Variants in OR4K17 observed in about 807,000 individuals in gnomAD.
OR4K17 encodes the protein olfactory receptor family 4 subfamily K member 17.
For missense variants in OR4K17, 480 were observed against 366.3 expected, an observed-to-expected ratio of 1.31 and a Z score of -2.53; for synonymous variants, 157 against 132.8, an observed-to-expected ratio of 1.18 and a Z score of -1.25.
chr14:20,116,413 G>A (rs75314527), intron 1 of OR4K17, among the ~76,000 whole-genome samples: 2,321 of 152,074 alleles, frequency 0.015, 59 homozygotes, highest in African/African-American at 0.052. Flanking sequence ...ACTAGTTTTA[G>A]CCATATAGTA....
At chr14:20,115,570 G>A (rs1218061505) in intron 1 of OR4K17, among the ~76,000 whole-genome samples, 3 of 151,936 alleles carry the variant, frequency 2.0e-5, no homozygotes, top group Non-Finnish European at 4.4e-5. Context: ...TTCAACTTTT[G>A]TGTATCTACA....
intron 1 of OR4K17, 153 bp from the exon 2 acceptor site, chr14:20,117,315 G>A (rs988799954): frequency 2.6e-4 from 225 of 852,338 alleles, no homozygotes; most frequent in Admixed American, 3.7e-4. Flanking sequence ...CAGACTATAC[G>A]TCTCCTTTTT....
intron 1 of OR4K17, among the ~76,000 whole-genome samples, chr14:20,112,329 T>A (rs1053329375): frequency 3.9e-5 from 6 of 152,080 alleles, no homozygotes; most frequent in African/African-American, 1.4e-4. Context: ...GAAAGACATT[T>A]GATCAGGGAA....
At chr14:20,113,092 G>A (rs963107002) in intron 1 of OR4K17, among the ~76,000 whole-genome samples, 3 of 151,978 alleles carry the variant, frequency 2.0e-5, no homozygotes, top group Non-Finnish European at 4.4e-5. Context: ...TAACTTGTGA[G>A]TAAGGAGGAA....
At position 20,120,770 on chromosome 14, in the gene OR4K17, A is replaced by T. The variant is rs995744259; in HGVS notation, c.*2332A>T. On this transcript the variant is annotated 3_prime_UTR_variant, in exon 2 of 2. Transcript: ENST00000641386. ...CCAGATCCATGGCTTCCCCTAGGGT[A>T]CCCCTCGTCAGACATTTATGCCAAA... is the stretch of plus-strand genomic sequence containing the variant. 1 of 152,270 alleles carries T rather than the reference A, an allele frequency of 6.6e-6. No individual in the cohort carries two copies. The highest frequency in any genetic ancestry group is 1.5e-5 in the Non-Finnish European group (1 of 68,170). 9.4% of individuals were successfully genotyped at this position (152,270 alleles called of 1,614,324 possible). A position where few individuals can be genotyped will look rare whatever the true frequency, so the allele number is the denominator to read the frequency against.
Position 20,118,713 on chromosome 14 carries a change from AG to A in OR4K17, c.*277del. 1 of 278,800 alleles carries A rather than the reference AG, an allele frequency of 3.6e-6. No individual in the cohort carries two copies. The highest frequency in any genetic ancestry group is 4.6e-5 in the South Asian group (1 of 21,618). The allele number at this position is 278,800 out of a possible 1,614,324, so 17.3% of individuals were successfully genotyped here. A position where few individuals can be genotyped will look rare whatever the true frequency, so the allele number is the denominator to read the frequency against. On this transcript the variant is annotated 3_prime_UTR_variant, in exon 2 of 2. Transcript: ENST00000641386. ...GTTTTTATTATGGATTTCAAAAGGGAGGCAGTGTACGAATAGGGTGTGGGTC... is the reference window on the plus strand; with the variant it reads ...GTTTTTATTATGGATTTCAAAAGGGAGCAGTGTACGAATAGGGTGTGGGTC...
intron 1 of OR4K17, among the ~76,000 whole-genome samples, chr14:20,116,467 G>A (rs939909582): frequency 3.6e-4 from 55 of 152,106 alleles, no homozygotes; most frequent in African/African-American, 1.3e-3. Context: ...TATGGGGGCT[G>A]TTGCCACTCA....
intron 1 of OR4K17, among the ~76,000 whole-genome samples, chr14:20,112,446 A>G (rs933035099): frequency 6.6e-6 from 1 of 152,106 alleles, no homozygotes; most frequent in African/African-American, 2.4e-5. Context: ...TTCAAAAGGC[A>G]GGTAAGCAAA....
Position 20,118,632 on chromosome 14 carries a change from G to A in OR4K17, c.*194G>A. The A allele has an allele frequency of 2.2e-6, 1 of 446,928 alleles. No individual in the cohort carries two copies. Among genetic ancestry groups the A allele is most frequent in the South Asian group, 2.9e-5 (1 of 33,910 alleles). 27.7% of individuals were successfully genotyped at this position (446,928 alleles called of 1,614,324 possible). A position where few individuals can be genotyped will look rare whatever the true frequency, so the allele number is the denominator to read the frequency against. On this transcript the variant is annotated 3_prime_UTR_variant, in exon 2 of 2. Coordinates refer to ENST00000641386, the MANE Select transcript of OR4K17 (RefSeq NM_001004715.5). ...GAAATTTTAAAGCTGGGTGTCCAGG[G>A]GAGACATCACATGTCAGCGGGTTCC...
chr14:20,116,500 A>G (rs556528704), intron 1 of OR4K17, among the ~76,000 whole-genome samples: 73 of 152,144 alleles, frequency 4.8e-4, no homozygotes, highest in Non-Finnish European at 8.4e-4. Flanking sequence ...TGTTATGTAA[A>G]TAAATGTGAA....
chr14:20,118,657 C>T lies in OR4K17; in HGVS notation c.*219C>T, dbSNP rs534656658. The T allele has an allele frequency of 5.5e-5, 20 of 366,826 alleles. No individual in the cohort carries two copies. Among genetic ancestry groups the T allele is most frequent in the South Asian group, 3.2e-4 (8 of 24,714 alleles). The allele number at this position is 366,826 out of a possible 1,614,324, so 22.7% of individuals were successfully genotyped here. ...GGAGACATCACATGTCAGCGGGTTCCGTGATGCCCCCCAAGCTGCAAAACC... is the reference window on the plus strand; with the variant it reads ...GGAGACATCACATGTCAGCGGGTTCTGTGATGCCCCCCAAGCTGCAAAACC... On this transcript the variant is annotated 3_prime_UTR_variant, in exon 2 of 2. Coordinates refer to ENST00000641386, the MANE Select transcript of OR4K17 (RefSeq NM_001004715.5).
chr14:20,112,826 T>C (rs1383681740), intron 1 of OR4K17, among the ~76,000 whole-genome samples: 1 of 152,042 alleles, frequency 6.6e-6, no homozygotes, highest in Non-Finnish European at 1.5e-5. Flanking sequence ...GAATTTCAAA[T>C]TATTTCAGAT....
At chr14:20,116,963 G>A (rs1440289985) in intron 1 of OR4K17, among the ~76,000 whole-genome samples, 2 of 152,158 alleles carry the variant, frequency 1.3e-5, no homozygotes, top group South Asian at 4.1e-4. Flanking sequence ...CACTTATCTA[G>A]AGCAGCTTTA....
rs903665581 is a variant in OR4K17, at chr14:20,120,301, C to G, written c.*1863C>G. 1 of 152,178 alleles carries G rather than the reference C, an allele frequency of 6.6e-6. No individual in the cohort carries two copies. Among genetic ancestry groups the G allele is most frequent in the Non-Finnish European group, 1.5e-5 (1 of 68,022 alleles). 9.4% of individuals were successfully genotyped at this position (152,178 alleles called of 1,614,324 possible). Reference sequence around the variant, plus strand: ...CAGTAATTCAGACTTTCCATATCTACCTACACTCATTTTTCTTGTAGCTTC... The same window carrying G: ...CAGTAATTCAGACTTTCCATATCTAGCTACACTCATTTTTCTTGTAGCTTC... On this transcript the variant is annotated 3_prime_UTR_variant, in exon 2 of 2. Coordinates refer to ENST00000641386, the MANE Select transcript of OR4K17 (RefSeq NM_001004715.5).
At position 20,118,559 on chromosome 14, in the gene OR4K17, C is replaced by T. The variant is rs1025071621; in HGVS notation, c.*121C>T. ...CAACATAGGTTCTTTTCTATTTTCC[C>T]TAAGTGTTGACTGGTCTGAGAAATA... On this transcript the variant is annotated 3_prime_UTR_variant, in exon 2 of 2. Transcript: ENST00000641386. 2 of 626,402 alleles carry T rather than the reference C, an allele frequency of 3.2e-6. No individual in the cohort carries two copies. The highest frequency in any genetic ancestry group is 4.2e-5 in the South Asian group (2 of 47,472). 38.8% of individuals were successfully genotyped at this position (626,402 alleles called of 1,614,324 possible).
intron 1 of OR4K17, 89 bp from the exon 2 acceptor site, chr14:20,117,379 A>G (rs777902938): frequency 3.4e-6 from 5 of 1,488,292 alleles, no homozygotes; most frequent in East Asian, 2.3e-5. Context: ...TGAAAGATCC[A>G]AAGGAATGCA....
rs758925333 is a variant in OR4K17, at chr14:20,117,824, G to T, written c.325G>T (p.Gly109Trp). The change falls in exon 2 of 2, where the codon GGG (glycine) becomes TGG (tryptophan). Residue 109 changes from glycine to tryptophan, a missense_variant. Transcript: ENST00000641386. ...TQIFLLHLLG[G>W]VEMVLLVSMA... Reference sequence around the variant, plus strand: ...GATATTTCTCCTTCACTTACTGGGTGGGGTTGAAATGGTACTGTTGGTCTC... The same window carrying T: ...GATATTTCTCCTTCACTTACTGGGTTGGGTTGAAATGGTACTGTTGGTCTC... The T allele has an allele frequency of 1.2e-6, 2 of 1,614,086 alleles. No homozygotes were observed. Among genetic ancestry groups the T allele is most frequent in the Non-Finnish European group, 1.7e-6 (2 of 1,180,014 alleles).
chr14:20,115,393 C>G (rs1167961990), intron 1 of OR4K17, among the ~76,000 whole-genome samples: 1 of 151,916 alleles, frequency 6.6e-6, no homozygotes, highest in Non-Finnish European at 1.5e-5. Flanking sequence ...ACAATGTTTA[C>G]AAAATGGGTT....
chr14:20,114,217 A>G (rs1833112838), intron 1 of OR4K17, among the ~76,000 whole-genome samples: 1 of 152,050 alleles, frequency 6.6e-6, no homozygotes, highest in Non-Finnish European at 1.5e-5. Flanking sequence ...AGAAAGTTGC[A>G]GAACTATTCT....
Sources: allele counts gnomAD v4.1 joint callset (sites outside exome capture counted in the v4.1 genomes callset), GRCh38; gene constraint gnomAD v4.1.1; transcripts MANE v1.5; gene names NCBI Gene and HGNC (gene_info 2026-07-23, HGNC 2026-07-21).